MAPK8: variants seen among roughly 807,000 people sequenced by gnomAD.
MAPK8 encodes the protein mitogen-activated protein kinase 8, also known as JUN N-terminal kinase.
Under a neutral mutation model 52.9 loss-of-function variants are expected in MAPK8, and 13 were observed. That is an observed-to-expected ratio of 0.25 (90% confidence interval 0.16 to 0.39). The LOEUF is 0.39. MAPK8 is among the 10% of genes least tolerant of loss of function. The pLI, the probability that MAPK8 is intolerant of heterozygous loss-of-function variation, is 1.00. For synonymous variants in MAPK8, 191 were observed against 169.8 expected, an observed-to-expected ratio of 1.12 and a Z score of -0.97; for missense variants, 300 against 519.2, an observed-to-expected ratio of 0.58 and a Z score of 4.10.
intron 1 of MAPK8, among the ~76,000 whole-genome samples, chr10:48,353,657 G>A (rs1309017359): frequency 6.6e-6 from 1 of 152,144 alleles, no homozygotes; most frequent in Non-Finnish European, 1.5e-5. Context: ...GGACATTTGT[G>A]ATTCATTTGT....
chr10:48,356,377 A>G (rs1057401161), intron 1 of MAPK8, among the ~76,000 whole-genome samples: 1 of 152,206 alleles, frequency 6.6e-6, no homozygotes, highest in South Asian at 2.1e-4. Context: ...AACATAGAGG[A>G]TGAAATAAGG....
At chr10:48,362,336 C>G (rs562402833) in intron 1 of MAPK8, among the ~76,000 whole-genome samples, 8 of 152,150 alleles carry the variant, frequency 5.3e-5, no homozygotes, top group Non-Finnish European at 8.8e-5. Context: ...ATATCTGTAG[C>G]ATTTCATTTG....
At position 48,387,655 on chromosome 10, in the gene MAPK8, A is replaced by C; in HGVS notation, c.-49-13957A>C. 2.0e-5 allele frequency among the ~76,000 whole-genome samples: 3 copies of C among 152,190 alleles called. 1 individual carries two copies. On this transcript the variant is annotated intron_variant, in intron 1 of 11. Coordinates refer to ENST00000374189, the MANE Select transcript of MAPK8 (RefSeq NM_001323329.2). ...AAATGACAGTTTCAGTAGTACAGAC[A>C]ATTCTGCCCATCCTAGGAAGCTTAT... is the stretch of plus-strand genomic sequence containing the variant.
rs558933008 is a variant in MAPK8, at chr10:48,350,109, A to T, written c.-50+43288A>T. ...GAATAGACCAATAACAAGTTCTGAA[A>T]TTGAGGCAGTACTTAATAGCCTGCT... On this transcript the variant is annotated intron_variant, in intron 1 of 11. Transcript: ENST00000374189. Among the ~76,000 whole-genome samples, 19 of 152,330 alleles carry T rather than the reference A, an allele frequency of 1.2e-4. No individual in the cohort carries two copies. In the East Asian group the frequency reaches 3.7e-3, roughly 29 times the overall value.
At chr10:48,350,462 A>G (rs1846201697) in intron 1 of MAPK8, among the ~76,000 whole-genome samples, 1 of 152,262 alleles carries the variant, frequency 6.6e-6, no homozygotes, top group Non-Finnish European at 1.5e-5. Flanking sequence ...GGCTGTTTCA[A>G]CAGATGCAAA....
intron 1 of MAPK8, among the ~76,000 whole-genome samples, chr10:48,394,477 C>T (rs1218989579): frequency 6.6e-6 from 1 of 151,800 alleles, no homozygotes; most frequent in Non-Finnish European, 1.5e-5. Flanking sequence ...TATGAACCAA[C>T]TAAGAAAGAA....
intron 1 of MAPK8, among the ~76,000 whole-genome samples, chr10:48,383,463 G>GT (rs2041134298): frequency 6.6e-6 from 1 of 152,132 alleles, no homozygotes; most frequent in South Asian, 2.1e-4. Context: ...TCAAATTCTT[G>GT]TAAATGTTTC....
intron 1 of MAPK8, among the ~76,000 whole-genome samples, chr10:48,312,044 G>A (rs752509270): frequency 1.9e-4 from 29 of 152,176 alleles, no homozygotes; most frequent in Non-Finnish European, 3.8e-4. Context: ...AGCAAATATT[G>A]TTAGTCATTT....
At chr10:48,333,808 C>T (rs950087265) in intron 1 of MAPK8, among the ~76,000 whole-genome samples, 1 of 152,272 alleles carries the variant, frequency 6.6e-6, no homozygotes, top group Non-Finnish European at 1.5e-5. Flanking sequence ...TCAGCAACGG[C>T]CAGAGGAAAT....
rs71465463 is a variant in MAPK8, at chr10:48,403,917, TTGTGTGTGTG to T, written c.123-903_123-894del. On this transcript the variant is annotated intron_variant, in intron 2 of 11. Transcript: ENST00000374189. ...GTGCCTGCCACCACGCCCGGCTAAT[TTGTGTGTGTG>T]TGTGTGTGTGTGTGTGTGTGTGTGT... Among the ~76,000 whole-genome samples, 700 of 125,742 alleles carry T rather than the reference TTGTGTGTGTG, an allele frequency of 5.6e-3. 7 individuals are homozygous for T. Among genetic ancestry groups the T allele is most frequent in the South Asian group, 0.031 (118 of 3,814 alleles). 82.5% of individuals were successfully genotyped at this position (125,742 alleles called of 152,430 possible).
intron 7 of MAPK8, 47 bp downstream of exon 7, chr10:48,424,206 C>T (rs2043532972): frequency 6.1e-6 from 9 of 1,475,932 alleles, no homozygotes; most frequent in African/African-American, 2.8e-5. Context: ...CGATGAACTT[C>T]TTTATGTTCT....
chr10:48,432,237 G>A (rs2044355550), intron 11 of MAPK8, among the ~76,000 whole-genome samples: 1 of 152,080 alleles, frequency 6.6e-6, no homozygotes, highest in Non-Finnish European at 1.5e-5. Flanking sequence ...TTCTACTTTT[G>A]AGGAAAAAAA....
At chr10:48,417,059 C>T (rs1017754294) in intron 5 of MAPK8, among the ~76,000 whole-genome samples, 3 of 152,092 alleles carry the variant, frequency 2.0e-5, no homozygotes, top group African/African-American at 7.2e-5. Flanking sequence ...GCATTCCTGG[C>T]CTCTACCCAC....
At chr10:48,382,884 A>C (rs987257072) in intron 1 of MAPK8, among the ~76,000 whole-genome samples, 133 of 144,990 alleles carry the variant, frequency 9.2e-4, no homozygotes, top group Non-Finnish European at 1.3e-3. Flanking sequence ...CAGGCTAGCT[A>C]TGTGTATATA....
At chr10:48,379,373 G>C (rs920462558) in intron 1 of MAPK8, among the ~76,000 whole-genome samples, 1 of 152,136 alleles carries the variant, frequency 6.6e-6, no homozygotes, top group African/African-American at 2.4e-5. Context: ...TTGATCATAT[G>C]CTGTTCCAGT....
chr10:48,417,808 T>C (rs148838604), intron 5 of MAPK8, among the ~76,000 whole-genome samples: 1 of 152,306 alleles, frequency 6.6e-6, no homozygotes, highest in African/African-American at 2.4e-5. Context: ...TTTTCCAAAA[T>C]GGCAAGACCC....
At chr10:48,410,675 T>C (rs2042701032) in intron 5 of MAPK8, among the ~76,000 whole-genome samples, 1 of 152,214 alleles carries the variant, frequency 6.6e-6, no homozygotes. Flanking sequence ...CTGAGTCATA[T>C]GGTGATTCTA....
intron 1 of MAPK8, among the ~76,000 whole-genome samples, chr10:48,330,704 C>G (rs1357477794): frequency 6.6e-6 from 1 of 152,154 alleles, no homozygotes; most frequent in East Asian, 1.9e-4. Context: ...GGTCTCTTCC[C>G]CAGTTCCTCA....
intron 1 of MAPK8, chr10:48,308,186 C>T (rs1022302153): frequency 6.6e-6 from 1 of 152,180 alleles, no homozygotes; most frequent in African/African-American, 2.4e-5. Context: ...TCTAAGTGAA[C>T]ATGTTTAGTG....
Sources: allele counts gnomAD v4.1 joint callset (sites outside exome capture counted in the v4.1 genomes callset), GRCh38; gene constraint gnomAD v4.1.1; transcripts MANE v1.5; gene names NCBI Gene and HGNC (gene_info 2026-07-23, HGNC 2026-07-21).